Variants in KIF15 observed in about 807,000 individuals in gnomAD.
KIF15 encodes the protein kinesin-like protein KIF15.
Under a neutral mutation model 190.6 loss-of-function variants are expected in KIF15, and 140 were observed. The observed-to-expected ratio is 0.73, with a 90% CI of 0.64 to 0.84. KIF15 has a LOEUF of 0.84. KIF15 is among the 40% of genes least tolerant of loss of function. KIF15 has a pLI of 0.00. For synonymous variants in KIF15, 528 were observed against 551.3 expected (o/e 0.96, Z 0.59); for missense variants, 1,372 against 1,584.4 (o/e 0.87, Z 2.28).
At chr3:44,834,847 C>T (rs954212391) in intron 26 of KIF15, among the ~76,000 whole-genome samples, 5 of 151,576 alleles carry the variant, frequency 3.3e-5, no homozygotes, top group Non-Finnish European at 5.9e-5. Flanking sequence ...GTAGGAGAAT[C>T]GCTGGAACCT....
Position 44,851,793 on chromosome 3 carries a change from AG to A in KIF15, c.3814del (p.Glu1272LysfsTer16). 6.2e-7 allele frequency: 1 copy of A among 1,612,120 alleles called. No homozygotes were observed. Among genetic ancestry groups the A allele is most frequent in the Non-Finnish European group, 8.5e-7 (1 of 1,178,986 alleles). ...EMLKMKADLE[E>X]VQSALYNKEM... ...TGATAACCTATTCCTACAGCCTAGA[AG>A]AAGTCCAAAGTGCCCTTTACAACAA... On this transcript the variant is annotated frameshift_variant, in exon 33 of 35. Coordinates refer to ENST00000326047, the MANE Select transcript of KIF15 (RefSeq NM_020242.3). LOFTEE classifies it high-confidence loss of function.
chr3:44,833,618 G>T (rs1347008298), intron 26 of KIF15, among the ~76,000 whole-genome samples: 1 of 152,080 alleles, frequency 6.6e-6, no homozygotes, highest in African/African-American at 2.4e-5. Context: ...TGCGAGCGAT[G>T]GGGAATGGCT....
intron 6 of KIF15, chr3:44,864,294 C>T (rs753942279): frequency 6.2e-7 from 1 of 1,614,110 alleles, no homozygotes; most frequent in African/African-American, 1.3e-5. Context: ...TTCTCCATGT[C>T]TTCAGCCATT....
intron 1 of KIF15, among the ~76,000 whole-genome samples, chr3:44,764,151 C>A (rs775990569): frequency 6.6e-6 from 1 of 152,154 alleles, no homozygotes; most frequent in East Asian, 1.9e-4. Context: ...GGGCACAAAT[C>A]TTAATATTAT....
downstream of KIF15, among the ~76,000 whole-genome samples, chr3:44,855,221 C>CA (rs1403064378): frequency 6.6e-6 from 1 of 152,038 alleles, no homozygotes; most frequent in African/African-American, 2.4e-5. Flanking sequence ...GTGGATCTCA[C>CA]AAAGTACATT....
chr3:44,818,736 A>G (rs540628887), intron 20 of KIF15, among the ~76,000 whole-genome samples: 10 of 152,194 alleles, frequency 6.6e-5, no homozygotes, highest in Non-Finnish European at 1.0e-4. Context: ...AGGCTTTGGT[A>G]TCAGGATGAT....
intron 10 of KIF15, 41 bp from the exon 11 acceptor site, chr3:44,800,273 A>G (rs1407248998): frequency 1.2e-6 from 2 of 1,601,226 alleles, no homozygotes; most frequent in East Asian, 4.5e-5. Context: ...ATACTACTCA[A>G]AAAGCATTAT....
intron 1 of KIF15, among the ~76,000 whole-genome samples, chr3:44,762,163 C>T (rs1705178690): frequency 6.6e-6 from 1 of 152,194 alleles, no homozygotes; most frequent in African/African-American, 2.4e-5. Context: ...CCCTTTCTTT[C>T]CCTTGGTTCT....
chr3:44,852,819 G>A lies in KIF15; in HGVS notation c.*84G>A, dbSNP rs1207590942. On this transcript the variant is annotated 3_prime_UTR_variant, in exon 35 of 35. Coordinates refer to ENST00000326047, the MANE Select transcript of KIF15 (RefSeq NM_020242.3). ...AGTAAGACCTACTCCTGGCCACTTA[G>A]GAGAGCTGAATTTATGGACCTTAAT... 1 of 1,084,386 alleles carries A rather than the reference G, an allele frequency of 9.2e-7. No individual in the cohort carries two copies. Among genetic ancestry groups the A allele is most frequent in the African/African-American group, 1.6e-5 (1 of 61,306 alleles). The allele number at this position is 1,084,386 out of a possible 1,614,324, so 67.2% of individuals were successfully genotyped here. A position where few individuals can be genotyped will look rare whatever the true frequency, so the allele number is the denominator to read the frequency against.
intron 1 of KIF15, among the ~76,000 whole-genome samples, chr3:44,773,656 C>T (rs934652785): frequency 6.6e-6 from 1 of 152,188 alleles, no homozygotes; most frequent in Non-Finnish European, 1.5e-5. Context: ...GAAGGGGGCA[C>T]AGTTTCCTCT....
chr3:44,829,738 T>TAG (rs1697959138), intron 24 of KIF15, among the ~76,000 whole-genome samples: 1 of 138,738 alleles, frequency 7.2e-6, no homozygotes, highest in African/African-American at 2.7e-5. Context: ...GTATATATTA[T>TAG]ATATGTATAT....
intron 16 of KIF15, among the ~76,000 whole-genome samples, chr3:44,809,694 A>AC (rs1440397876): frequency 6.6e-6 from 1 of 152,062 alleles, no homozygotes; most frequent in African/African-American, 2.4e-5. Flanking sequence ...AAAAAAAAAA[A>AC]ATTTAAATTA....
intron 6 of KIF15, chr3:44,861,781 T>C: frequency 1.0e-6 from 1 of 958,794 alleles, no homozygotes; most frequent in Non-Finnish European, 1.5e-6. Flanking sequence ...GCCCGCCCCC[T>C]CCGAGGCGCC....
At chr3:44,812,127 A>G (rs1707812211) in intron 17 of KIF15, 55 bp from the exon 18 acceptor site, 1 of 1,259,450 alleles carries the variant, frequency 7.9e-7, no homozygotes, top group Admixed American at 1.8e-5. Context: ...AAATGGTGGA[A>G]TGTTTGAGAA....
intron 8 of KIF15, among the ~76,000 whole-genome samples, chr3:44,796,986 A>T (rs576679051): frequency 1.4e-4 from 21 of 151,918 alleles, no homozygotes; most frequent in Admixed American, 1.4e-3. Flanking sequence ...TCATGAAGTG[A>T]CATTAATATT....
At chr3:44,845,706 T>C (rs935414238) in intron 30 of KIF15, among the ~76,000 whole-genome samples, 3 of 151,990 alleles carry the variant, frequency 2.0e-5, no homozygotes, top group African/African-American at 7.3e-5. Flanking sequence ...GCCTATAATA[T>C]ACCTTATCAC....
chr3:44,800,145 C>A (rs1707196033), intron 10 of KIF15, among the ~76,000 whole-genome samples, 169 bp from the exon 11 acceptor site: 1 of 152,150 alleles, frequency 6.6e-6, no homozygotes. Context: ...GAAAAGGAAG[C>A]TTCCTCCCCA....
intron 32 of KIF15, among the ~76,000 whole-genome samples, chr3:44,850,489 A>G (rs1252668997): frequency 6.6e-6 from 1 of 152,194 alleles, no homozygotes; most frequent in Non-Finnish European, 1.5e-5. Context: ...AGTAACCAAG[A>G]GTCTTCATGA....
intron 6 of KIF15, chr3:44,865,025 A>G (rs749088439): frequency 1.3e-5 from 21 of 1,613,772 alleles, no homozygotes; most frequent in African/African-American, 6.7e-5. Flanking sequence ...CCTCACAGCT[A>G]TCTTTGTCTC....
Sources: gnomAD v4.1 joint callset for allele counts (sites outside exome capture counted in the v4.1 genomes callset) on GRCh38, gnomAD v4.1.1 for gene constraint, MANE v1.5 for transcripts, NCBI Gene and HGNC (gene_info 2026-07-23, HGNC 2026-07-21) for gene names.